RABGAP1L: variants seen among roughly 807,000 people sequenced by gnomAD.
RABGAP1L encodes rab GTPase-activating protein 1-like.
In RABGAP1L, 63 loss-of-function variants were observed where a neutral mutation model predicts 137.7. That is an observed-to-expected ratio of 0.46 (90% CI 0.37 to 0.56). RABGAP1L has a LOEUF of 0.56. Among genes scored for constraint, RABGAP1L ranks in the 20% least tolerant of loss-of-function variants. The pLI is 0.00. For missense variants in RABGAP1L, 1,095 were observed against 1,244.0 expected (o/e 0.88, Z 1.80); for synonymous variants, 431 against 433.7 (o/e 0.99, Z 0.08).
chr1:174,897,000 G>A (rs1657314845), intron 19 of RABGAP1L: 2 of 152,120 alleles, frequency 1.3e-5, no homozygotes, highest in South Asian at 4.2e-4. Flanking sequence ...GCTTGATGGG[G>A]ATGGCATTGA....
rs532209785 is a variant in RABGAP1L, at chr1:174,349,842, G to A, written c.1466-21137G>A. Among the ~76,000 whole-genome samples, 319 of 132,684 alleles carry A rather than the reference G, an allele frequency of 2.4e-3. 1 individual carries two copies. Among genetic ancestry groups the A allele is most frequent in the African/African-American group, 8.5e-3 (306 of 35,862 alleles). The allele number at this position is 132,684 out of a possible 152,430, so 87.0% of individuals were successfully genotyped here. A position where few individuals can be genotyped will look rare whatever the true frequency, so the allele number is the denominator to read the frequency against. On this transcript the variant is annotated intron_variant, in intron 11 of 25. Transcript: ENST00000681986. ...GCGCCCCTCACCTCCCAGACGGGGCGGCTGGCCGGGCGGGGCGCTGACCCC... is the reference window on the plus strand; with the variant it reads ...GCGCCCCTCACCTCCCAGACGGGGCAGCTGGCCGGGCGGGGCGCTGACCCC...
chr1:174,540,195 C>T (rs1365494304), intron 13 of RABGAP1L, among the ~76,000 whole-genome samples: 1 of 151,996 alleles, frequency 6.6e-6, no homozygotes, highest in African/African-American at 2.4e-5. Flanking sequence ...GGATATTAGC[C>T]CTTTGTCAGA....
At chr1:174,202,017 A>T (rs1299425625) in intron 1 of RABGAP1L, among the ~76,000 whole-genome samples, 1 of 151,912 alleles carries the variant, frequency 6.6e-6, no homozygotes, top group African/African-American at 2.4e-5. Context: ...TCCATGGTGT[A>T]TATGTGCCAC....
chr1:174,587,437 G>A (rs949676103), intron 13 of RABGAP1L, among the ~76,000 whole-genome samples: 1 of 138,836 alleles, frequency 7.2e-6, no homozygotes, highest in African/African-American at 2.9e-5. Context: ...AAAACTTAAA[G>A]TATAATAATA....
chr1:174,373,895 T>G (rs1685305034), intron 12 of RABGAP1L, among the ~76,000 whole-genome samples: 1 of 152,164 alleles, frequency 6.6e-6, no homozygotes, highest in African/African-American at 2.4e-5. Flanking sequence ...TGATAGGCAG[T>G]GGGTAAATGA....
chr1:174,723,824 AG>A (rs970244768), intron 17 of RABGAP1L, among the ~76,000 whole-genome samples: 1 of 152,144 alleles, frequency 6.6e-6, no homozygotes, highest in Non-Finnish European at 1.5e-5. Context: ...TTTGTACCTC[AG>A]GGGTTTGTCA....
chr1:174,545,084 C>T (rs1345879840), intron 13 of RABGAP1L: 1 of 152,602 alleles, frequency 6.6e-6, no homozygotes, highest in East Asian at 1.9e-4. Flanking sequence ...TCTGTCCATT[C>T]TCAGGTCCCA....
chr1:174,730,533 T>C (rs1448351507), intron 17 of RABGAP1L, among the ~76,000 whole-genome samples: 1 of 152,208 alleles, frequency 6.6e-6, no homozygotes, highest in Non-Finnish European at 1.5e-5. Context: ...GAGTAATTAC[T>C]TGACTCCAAT....
At chr1:174,369,829 A>G (rs575761623) in intron 11 of RABGAP1L, among the ~76,000 whole-genome samples, 1 of 152,272 alleles carries the variant, frequency 6.6e-6, no homozygotes, top group South Asian at 2.1e-4. Context: ...CACTTTTTGC[A>G]TTAAATGTCC....
chr1:174,590,123 CTTTTTTTTTTTTTTTTT>C (rs1166364912), intron 13 of RABGAP1L, among the ~76,000 whole-genome samples: 9 of 59,780 alleles, frequency 1.5e-4, no homozygotes, highest in African/African-American at 3.2e-4. Flanking sequence ...TCTTCAGTTT[CTTTTTTTTTTTTTTTTT>C]TTTTTTTTTT....
At chr1:174,325,393 C>T (rs149874579) in intron 11 of RABGAP1L, among the ~76,000 whole-genome samples, 3 of 152,240 alleles carry the variant, frequency 2.0e-5, no homozygotes, top group African/African-American at 7.2e-5. Context: ...GATAGTACCC[C>T]CACAAAAACA....
chr1:174,322,630 G>C (rs1474078534), intron 11 of RABGAP1L, among the ~76,000 whole-genome samples: 1 of 152,150 alleles, frequency 6.6e-6, no homozygotes, highest in African/African-American at 2.4e-5. Flanking sequence ...CCTAGCCTTA[G>C]AGTCATACAG....
At chr1:174,700,345 C>T (rs1055703548) in intron 16 of RABGAP1L, 1 of 151,986 alleles carries the variant, frequency 6.6e-6, no homozygotes, top group East Asian at 1.9e-4. Context: ...GTTTATGTGA[C>T]TTTGTTTAAA....
At chr1:174,651,854 A>T (rs1166419784) in intron 14 of RABGAP1L, among the ~76,000 whole-genome samples, 2 of 152,094 alleles carry the variant, frequency 1.3e-5, no homozygotes, top group Non-Finnish European at 2.9e-5. Context: ...TAATATTGTT[A>T]TGTGTGAATT....
intron 19 of RABGAP1L, among the ~76,000 whole-genome samples, chr1:174,954,636 C>T (rs1244996016): frequency 6.6e-6 from 1 of 152,110 alleles, no homozygotes; most frequent in African/African-American, 2.4e-5. Flanking sequence ...ATTTTAGAAC[C>T]ATGTAGAAAA....
In RABGAP1L at chr1:174,448,937, A is replaced by G. The variant is rs775410382; in HGVS notation, c.1710+54792A>G. The G allele has an allele frequency of 3.7e-6, 6 of 1,614,046 alleles. No homozygotes were observed. The highest frequency in any genetic ancestry group is 2.2e-5 in the East Asian group (1 of 44,880). ...GTTTAGGATAACCAGTGTATTTTAT[A>G]TGCTGTGGCTCCCCTATATAATTTA... On this transcript the variant is annotated intron_variant, in intron 13 of 25. Transcript: ENST00000681986. This position sits in a 1 kb window ranked among gnomAD's most constrained non-coding sequence, Gnocchi z 4.2.
Position 174,899,737 on chromosome 1 carries a change from A to AT in RABGAP1L, c.2341-57713dup, listed in dbSNP as rs544236624. Among the ~76,000 whole-genome samples the AT allele has an allele frequency of 3.2e-3, 483 of 152,268 alleles. 4 individuals carry two copies. The highest frequency in any genetic ancestry group is 0.011 in the African/African-American group (450 of 41,562). On this transcript the variant is annotated intron_variant, in intron 19 of 25. Coordinates refer to ENST00000681986, the MANE Select transcript of RABGAP1L (RefSeq NM_001366446.1). ...AGGCATTCTAATGACTCCTATGTCT[A>AT]TTTTTTTGAAATAAAATTCATTTTG... is the stretch of plus-strand genomic sequence containing the variant.
chr1:174,241,506 T>A lies in RABGAP1L; in HGVS notation c.566T>A (p.Val189Glu), dbSNP rs1671826558. Reference protein sequence around the residue: ...SVRIIDQSSNVEIASFPIYKV... With the variant: ...SVRIIDQSSNEEIASFPIYKV... ...AGAATTATAGACCAATCCAGCAATG[T>A]GGAGATAGCATCTTTTCCAATCTAT... Residue 189 changes from valine to glutamate, a missense_variant, in exon 5 of 26, where the codon GTG (valine) becomes GAG (glutamate). Coordinates refer to ENST00000681986, the MANE Select transcript of RABGAP1L (RefSeq NM_001366446.1). 7 of 1,603,350 alleles carry A rather than the reference T, an allele frequency of 4.4e-6. No homozygotes were observed. In the African/African-American group the frequency reaches 5.4e-5, roughly 12 times the overall value.
chr1:174,401,739 G>A (rs2149103371), intron 13 of RABGAP1L, among the ~76,000 whole-genome samples: 1 of 152,298 alleles, frequency 6.6e-6, no homozygotes, highest in South Asian at 2.1e-4. Flanking sequence ...GGAGTTTACA[G>A]CCCAGTGGGG....
Sources: gnomAD v4.1 joint callset for allele counts (sites outside exome capture counted in the v4.1 genomes callset) on GRCh38, gnomAD v4.1.1 for gene constraint, Gnocchi (gnomAD v3.1) non-coding constraint, MANE v1.5 for transcripts, NCBI Gene and HGNC (gene_info 2026-07-23, HGNC 2026-07-21) for gene names.